Variants in KCNIP1 observed in about 807,000 individuals in gnomAD.
KCNIP1 encodes the protein A-type potassium channel modulatory protein KCNIP1.
In KCNIP1, 18 loss-of-function variants were observed where a neutral mutation model predicts 33.0. The ratio of observed to expected loss-of-function variants is 0.55; its 90% CI spans 0.38 to 0.81. The LOEUF is 0.81. Ranked by LOEUF, KCNIP1 falls within the 30% of genes least tolerant of loss-of-function variation. The pLI is 0.00. For missense variants in KCNIP1, 238 were observed against 271.6 expected (o/e 0.88, Z 0.87); for synonymous variants, 93 against 98.3 (o/e 0.95, Z 0.32).
chr5:170,499,117 A>G (rs968678193), upstream of KCNIP1, among the ~76,000 whole-genome samples: 6 of 152,202 alleles, frequency 3.9e-5, no homozygotes, highest in African/African-American at 1.4e-4. Context: ...AACATTTGGG[A>G]AATGGTACAA....
chr5:170,367,348 A>T (rs1763690558), intron 1 of KCNIP1, among the ~76,000 whole-genome samples: 2 of 100,364 alleles, frequency 2.0e-5, no homozygotes, highest in Non-Finnish European at 4.0e-5. Context: ...AGAAGGAAAG[A>T]AAAAGAAAGA....
At chr5:170,560,501 G>T (rs763892587) in intron 1 of KCNIP1, among the ~76,000 whole-genome samples, 1 of 152,028 alleles carries the variant, frequency 6.6e-6, no homozygotes, top group Non-Finnish European at 1.5e-5. Flanking sequence ...CACAGGTCTC[G>T]GTTCTGGACT....
intron 1 of KCNIP1, among the ~76,000 whole-genome samples, chr5:170,368,159 T>C (rs1044676224): frequency 1.3e-5 from 2 of 152,222 alleles, no homozygotes; most frequent in Non-Finnish European, 2.9e-5. Context: ...TCTGTGGGAA[T>C]AGATGTGTAT....
chr5:170,366,781 G>A (rs1763674277), intron 1 of KCNIP1, among the ~76,000 whole-genome samples: 1 of 152,222 alleles, frequency 6.6e-6, no homozygotes, highest in East Asian at 1.9e-4. Flanking sequence ...CCTCCTGGAA[G>A]TGGTGGCCAC....
chr5:170,373,984 TCAAA>T (rs1400936399), intron 1 of KCNIP1, among the ~76,000 whole-genome samples: 1 of 152,198 alleles, frequency 6.6e-6, no homozygotes, highest in African/African-American at 2.4e-5. Context: ...GGCACTTTGC[TCAAA>T]CAGTGTCTTC....
chr5:170,677,674 T>C (rs930115159), intron 1 of KCNIP1, among the ~76,000 whole-genome samples: 2 of 152,194 alleles, frequency 1.3e-5, no homozygotes, highest in African/African-American at 4.8e-5. Flanking sequence ...TCTTTTATGA[T>C]GTCTGGATCA....
chr5:170,634,644 C>T (rs1760213976), intron 1 of KCNIP1, among the ~76,000 whole-genome samples: 1 of 152,192 alleles, frequency 6.6e-6, no homozygotes. Context: ...GCATTGAGTC[C>T]CGAGCCCCAG....
intron 1 of KCNIP1, among the ~76,000 whole-genome samples, chr5:170,434,169 T>C (rs1408655886): frequency 6.6e-6 from 1 of 152,160 alleles, no homozygotes; most frequent in Non-Finnish European, 1.5e-5. Context: ...ATTTTTTGTT[T>C]TCTATAACAT....
intron 1 of KCNIP1, among the ~76,000 whole-genome samples, chr5:170,532,054 C>T (rs1179900362): frequency 6.6e-6 from 1 of 152,218 alleles, no homozygotes; most frequent in Non-Finnish European, 1.5e-5. Context: ...CCTCCATGAC[C>T]TCTGAGATCC....
intron 1 of KCNIP1, among the ~76,000 whole-genome samples, chr5:170,698,705 T>C (rs1030137019): frequency 6.6e-6 from 1 of 151,966 alleles, no homozygotes; most frequent in Non-Finnish European, 1.5e-5. Flanking sequence ...TCTAACCCAC[T>C]GCTTCTAGCC....
intron 1 of KCNIP1, chr5:170,375,113 T>A (rs969938076): frequency 1.3e-5 from 2 of 152,226 alleles, no homozygotes; most frequent in Non-Finnish European, 2.9e-5. Flanking sequence ...TTCTTCCTTT[T>A]TTAACTTAAA....
At chr5:170,562,074 G>A (rs948169882) in intron 1 of KCNIP1, among the ~76,000 whole-genome samples, 1 of 152,168 alleles carries the variant, frequency 6.6e-6, no homozygotes, top group African/African-American at 2.4e-5. Context: ...GGGATCATCT[G>A]CGTTACATTT....
intron 1 of KCNIP1, among the ~76,000 whole-genome samples, chr5:170,573,283 G>A (rs888577070): frequency 2.0e-5 from 3 of 152,168 alleles, no homozygotes; most frequent in Admixed American, 6.5e-5. Flanking sequence ...TGATGCTCTG[G>A]CGGTCTGGGG....
intron 1 of KCNIP1, among the ~76,000 whole-genome samples, chr5:170,691,115 C>T (rs1054150112): frequency 2.6e-5 from 4 of 152,218 alleles, no homozygotes; most frequent in African/African-American, 9.7e-5. Context: ...TTCTCTATGG[C>T]ACCACTGCCA....
chr5:170,584,685 CG>C (rs1757921377), intron 1 of KCNIP1, among the ~76,000 whole-genome samples: 1 of 152,118 alleles, frequency 6.6e-6, no homozygotes, highest in Non-Finnish European at 1.5e-5. Context: ...GGGACAACTC[CG>C]GGGACTTAGT....
At chr5:170,567,934 G>T (rs1214604799) in intron 1 of KCNIP1, among the ~76,000 whole-genome samples, 1 of 152,196 alleles carries the variant, frequency 6.6e-6, no homozygotes, top group Non-Finnish European at 1.5e-5. Flanking sequence ...CAAAGGATGA[G>T]ATTTGCACCC....
intron 1 of KCNIP1, among the ~76,000 whole-genome samples, chr5:170,449,946 A>C (rs1756207555): frequency 6.6e-6 from 1 of 151,796 alleles, no homozygotes; most frequent in Non-Finnish European, 1.5e-5. Context: ...GAGGTTTTGC[A>C]AAAGTTTTGG....
intron 1 of KCNIP1, chr5:170,680,575 T>C (rs1479482418): frequency 6.6e-6 from 1 of 152,348 alleles, no homozygotes; most frequent in Non-Finnish European, 1.5e-5. Context: ...ACCACATATG[T>C]TCCAGACCAG....
intron 1 of KCNIP1, among the ~76,000 whole-genome samples, chr5:170,644,325 C>T (rs542431933): frequency 1.9e-4 from 29 of 152,320 alleles, no homozygotes; most frequent in African/African-American, 6.5e-4. Flanking sequence ...AGTCAGCAGC[C>T]GAGTGCGGGA....
Sources: allele counts gnomAD v4.1 joint callset (sites outside exome capture counted in the v4.1 genomes callset), GRCh38; gene constraint gnomAD v4.1.1; transcripts MANE v1.5; gene names NCBI Gene and HGNC (gene_info 2026-07-23, HGNC 2026-07-21).